Variants in FAT3 observed in about 807,000 individuals in gnomAD.
FAT3 encodes the protein FAT atypical cadherin 3.
Under a neutral mutation model 310.2 loss-of-function variants are expected in FAT3, and 95 were observed. That is an observed-to-expected ratio of 0.31 (90% CI 0.26 to 0.36). The LOEUF (loss-of-function observed/expected upper bound fraction) is 0.36, where lower values mean the gene tolerates loss of function less well. FAT3 is among the 10% of genes least tolerant of loss of function. FAT3 has a pLI of 1.00. For missense variants in FAT3, 5,408 were observed against 5,715.6 expected (o/e 0.95, Z 1.74); for synonymous variants, 2,314 against 2,192.9 (o/e 1.06, Z -1.54).
In FAT3 at chr11:92,891,650, T is replaced by A. The variant is rs1224634969; in HGVS notation, c.*537T>A. The A allele has an allele frequency of 1.2e-5, 2 of 160,916 alleles. No homozygotes were observed. Among genetic ancestry groups the A allele is most frequent in the Non-Finnish European group, 2.8e-5 (2 of 72,136 alleles). The allele number at this position is 160,916 out of a possible 1,614,324, so 10.0% of individuals were successfully genotyped here. On this transcript the variant is annotated 3_prime_UTR_variant, in exon 28 of 28. Transcript: ENST00000525166. ...AAGCCTTTTAAATCAACTCTATTTT[T>A]TTGATAAGCTGCCCAATTTTCAGCT...
At chr11:92,634,457 A>G (rs1941681902) in intron 3 of FAT3, among the ~76,000 whole-genome samples, 1 of 152,184 alleles carries the variant, frequency 6.6e-6, no homozygotes. Flanking sequence ...TATACTGAAG[A>G]TTGTTAAGTC....
At chr11:92,759,683 G>A (rs1946094930) in intron 4 of FAT3, among the ~76,000 whole-genome samples, 1 of 152,158 alleles carries the variant, frequency 6.6e-6, no homozygotes, top group South Asian at 2.1e-4. Flanking sequence ...TTCAAGGGCT[G>A]TGCAGCTACC....
At chr11:92,263,819 G>A (rs932371404) in intron 1 of FAT3, among the ~76,000 whole-genome samples, 2 of 151,730 alleles carry the variant, frequency 1.3e-5, no homozygotes, top group African/African-American at 4.8e-5. Flanking sequence ...TCATCTTGAT[G>A]TCTTTTGTTA....
intron 8 of FAT3, among the ~76,000 whole-genome samples, chr11:92,791,667 C>G (rs1056743171): frequency 2.0e-5 from 3 of 152,126 alleles, no homozygotes; most frequent in East Asian, 3.8e-4. Context: ...TCTGAAAACC[C>G]CTTTCTCTTT....
chr11:92,705,586 G>GAATGGAAT (rs1944283407), intron 4 of FAT3, among the ~76,000 whole-genome samples: 1 of 5,860 alleles, frequency 1.7e-4, no homozygotes, highest in Non-Finnish European at 3.1e-4. Flanking sequence ...TGATGGTGGT[G>GAATGGAAT]GTGTGATGTG....
In FAT3 at chr11:92,799,689, G is replaced by A. The variant is rs1947278957; in HGVS notation, c.6676G>A (p.Asp2226Asn). ...QGIIYIIIDG[D>N]PFKQFNIDFD... is the part of the protein sequence containing the mutation. ...CATCATATATATCATTATCGATGGG[G>A]ACCCTTTTAAACAGTTTAACATTGA... is the stretch of plus-strand genomic sequence containing the variant. Residue 2226 changes from aspartate to asparagine, a missense_variant, in exon 10 of 28, where the codon GAC becomes AAC. Physicochemically the swap from Asp to Asn is conservative, Grantham distance 23. This residue lies in a region of FAT3 where 4,588 missense variants were observed against 4,809.8 expected (regional missense o/e 0.95). Transcript: ENST00000525166. 6.2e-7 allele frequency: 1 copy of A among 1,613,318 alleles called. No individual in the cohort carries two copies. Among genetic ancestry groups the A allele is most frequent in the Non-Finnish European group, 8.5e-7 (1 of 1,179,648 alleles).
chr11:92,331,523 G>T (rs548849931), intron 1 of FAT3, among the ~76,000 whole-genome samples: 83 of 152,238 alleles, frequency 5.5e-4, no homozygotes, highest in African/African-American at 1.9e-3. Context: ...TCTTATTAAA[G>T]TGTCTGTCAT....
At position 92,352,786 on chromosome 11, in the gene FAT3, A is replaced by T; in HGVS notation, c.674A>T (p.Asn225Ile). The change falls in exon 2 of 28, where the codon AAT becomes ATT. Residue 225 changes from asparagine to isoleucine, a missense_variant. Around this residue, in one of 5 missense-constraint regions of FAT3, gnomAD observed 4,588 missense variants for 4,809.8 expected, o/e 0.95. Transcript: ENST00000525166. The part of the protein sequence containing the change: ...LSGRLNYDEK[N>I]RYDLEILAVD... ...GGTCGATTAAATTATGATGAAAAGA[A>T]TAGGTATGATCTGGAAATTTTGGCT... 6.2e-7 allele frequency: 1 copy of T among 1,613,888 alleles called. No individual in the cohort carries two copies. The highest frequency in any genetic ancestry group is 8.5e-7 in the Non-Finnish European group (1 of 1,179,870).
chr11:92,321,350 T>C (rs1056134515), intron 1 of FAT3, among the ~76,000 whole-genome samples: 1 of 150,838 alleles, frequency 6.6e-6, no homozygotes, highest in Non-Finnish European at 1.5e-5. Context: ...GGCAGGAGAA[T>C]GGCGTGAACC....
chr11:92,812,830 T>C (rs1304157268), intron 13 of FAT3, among the ~76,000 whole-genome samples: 1 of 152,140 alleles, frequency 6.6e-6, no homozygotes, highest in East Asian at 1.9e-4. Flanking sequence ...CTTATTGATA[T>C]GGTTTGGCTG....
chr11:92,246,628 T>G (rs954826721), intron 1 of FAT3, among the ~76,000 whole-genome samples: 2 of 152,022 alleles, frequency 1.3e-5, no homozygotes, highest in Non-Finnish European at 2.9e-5. Context: ...CTGACATGAT[T>G]GTGGAAAAGG....
chr11:92,431,494 GT>G (rs1253163548), intron 2 of FAT3, among the ~76,000 whole-genome samples: 9 of 152,260 alleles, frequency 5.9e-5, no homozygotes, highest in Non-Finnish European at 1.3e-4. Flanking sequence ...TTCTTTTGCT[GT>G]GCAGAAGCTC....
At chr11:92,611,448 C>T (rs559102534) in intron 3 of FAT3, among the ~76,000 whole-genome samples, 2 of 152,020 alleles carry the variant, frequency 1.3e-5, no homozygotes, top group African/African-American at 4.8e-5. Flanking sequence ...TGCTTTGTCT[C>T]CCAGGCTAGA....
At chr11:92,520,761 C>G (rs888807732) in intron 2 of FAT3, among the ~76,000 whole-genome samples, 1 of 152,078 alleles carries the variant, frequency 6.6e-6, no homozygotes, top group African/African-American at 2.4e-5. Flanking sequence ...ACATTTCAGA[C>G]TCAGTCCTTT....
intron 2 of FAT3, among the ~76,000 whole-genome samples, chr11:92,422,105 C>G (rs765797012): frequency 6.6e-6 from 1 of 152,120 alleles, no homozygotes; most frequent in Admixed American, 6.6e-5. Flanking sequence ...ACTGTGCCAT[C>G]AGGGAGACGC....
intron 3 of FAT3, among the ~76,000 whole-genome samples, chr11:92,558,679 T>C (rs535201): frequency 0.15 from 23,003 of 152,022 alleles, 1,926 homozygotes; most frequent in East Asian, 0.29. Flanking sequence ...TGTGTAGTGT[T>C]TTTATATTTT....
intron 1 of FAT3, among the ~76,000 whole-genome samples, chr11:92,267,930 C>T (rs1284088248): frequency 6.6e-6 from 1 of 151,842 alleles, no homozygotes; most frequent in East Asian, 1.9e-4. Context: ...AATGAAGTAG[C>T]GCTTTGTCTT....
intron 4 of FAT3, among the ~76,000 whole-genome samples, chr11:92,749,328 A>G (rs916704747): frequency 6.6e-6 from 1 of 152,110 alleles, no homozygotes; most frequent in African/African-American, 2.4e-5. Flanking sequence ...ACACATACAC[A>G]CACACATAGA....
At chr11:92,670,542 G>A (rs1943094763) in intron 3 of FAT3, among the ~76,000 whole-genome samples, 1 of 152,198 alleles carries the variant, frequency 6.6e-6, no homozygotes, top group Non-Finnish European at 1.5e-5. Flanking sequence ...CTTGTTTGGG[G>A]GGATGAGTTG....
Sources: allele counts gnomAD v4.1 joint callset (sites outside exome capture counted in the v4.1 genomes callset), GRCh38; gene constraint gnomAD v4.1.1; regional missense constraint gnomAD v4.1.1; transcripts MANE v1.5; gene names NCBI Gene and HGNC (gene_info 2026-07-23, HGNC 2026-07-21).